The following SSX2IP variants were observed in gnomAD, a reference collection of about 807,000 sequenced individuals.
SSX2IP encodes the protein afadin- and alpha-actinin-binding protein.
SSX2IP carries 55 observed loss-of-function variants against 84.9 expected under a neutral mutation model. The ratio of observed to expected loss-of-function variants is 0.65; its 90% confidence interval spans 0.52 to 0.81. The LOEUF is 0.81. Ranked by LOEUF, SSX2IP falls within the 30% of genes least tolerant of loss-of-function variation. The pLI is 0.00. For synonymous variants in SSX2IP, 239 were observed against 234.7 expected (o/e 1.02, Z -0.17); for missense variants, 664 against 705.2 (o/e 0.94, Z 0.66).
Position 84,662,248 on chromosome 1 carries a change from AAAG to A in SSX2IP, c.874_876del (p.Leu292del). 6.2e-7 allele frequency: 1 copy of A among 1,608,012 alleles called. No homozygotes were observed. Among genetic ancestry groups the A allele is most frequent in the Non-Finnish European group, 8.5e-7 (1 of 1,177,992 alleles). ...TCTCTAGGTTTCTTCTTTTGGGGAG[AAAG>A]AAGAGAAATCATTTCCTTTTTCATT... On this transcript the variant is annotated inframe_deletion, in exon 8 of 14. Coordinates refer to ENST00000342203, the MANE Select transcript of SSX2IP (RefSeq NM_001166293.2).
In SSX2IP at chr1:84,670,727, AG is replaced by A; in HGVS notation, c.131del (p.Pro44LeufsTer30). On this transcript the variant is annotated frameshift_variant, in exon 3 of 14. Transcript: ENST00000342203. LOFTEE classifies it high-confidence loss of function. The part of the protein sequence containing the change: ...YSQQVLCSSI[P>X]LSKNVHSFFS... Reference sequence around the variant, plus strand: ...AAAAACTGTGCACATTTTTCGATAAAGGTATTGAAGAACATAGCACTTGCTG... The same window carrying A: ...AAAAACTGTGCACATTTTTCGATAAAGTATTGAAGAACATAGCACTTGCTG... The A allele has an allele frequency of 6.2e-7, 1 of 1,613,094 alleles. No individual in the cohort carries two copies. The highest frequency in any genetic ancestry group is 8.5e-7 in the Non-Finnish European group (1 of 1,179,248).
chr1:84,681,950 G>C (rs1354405564), intron 1 of SSX2IP, among the ~76,000 whole-genome samples: 1 of 152,194 alleles, frequency 6.6e-6, no homozygotes, highest in Non-Finnish European at 1.5e-5. Context: ...CCTGGCAAAA[G>C]TGGACTCTCC....
rs539933272 is a variant in SSX2IP, at chr1:84,658,367, T to C, written c.1029A>G (p.Arg343=). ...TVREQLTNSI[R]KQWRILKSHV... is the part of the protein sequence containing the mutation. ...GACTTTTCAAAATTCTCCACTGTTT[T>C]CTGATGCTGTTTGTAAGCTGCTCTC... The change falls in exon 9 of 14, where the codon AGA becomes AGG. Residue 343 remains arginine (R), a synonymous_variant. Transcript: ENST00000342203. 6.2e-7 allele frequency: 1 copy of C among 1,614,062 alleles called. No individual in the cohort carries two copies. Among genetic ancestry groups the C allele is most frequent in the Non-Finnish European group, 8.5e-7 (1 of 1,180,034 alleles).
At chr1:84,658,734 C>T (rs923832223) in intron 8 of SSX2IP, among the ~76,000 whole-genome samples, 10 of 152,216 alleles carry the variant, frequency 6.6e-5, no homozygotes, top group African/African-American at 2.2e-4. Context: ...ATATCACTAC[C>T]TGTCTAATGT....
chr1:84,681,544 A>AG (rs1655079824), intron 1 of SSX2IP, among the ~76,000 whole-genome samples: 1 of 152,216 alleles, frequency 6.6e-6, no homozygotes, highest in African/African-American at 2.4e-5. Flanking sequence ...GGGTACAGGG[A>AG]GGGGTAGAAG....
In SSX2IP at chr1:84,647,517, T is replaced by C; in HGVS notation, c.1761A>G (p.Ser587=). ...AGCAACCTTCCTGTGATCCAGGTCT[T>C]GATGCCACACTCCATTTTTGATTTG... ...ECTNQKWSVA[S]RPGSQEGCYS... The change falls in exon 14 of 14, where the codon TCA becomes TCG. Residue 587 remains serine (S), a synonymous_variant. Transcript: ENST00000342203. The C allele has an allele frequency of 6.2e-7, 1 of 1,613,504 alleles. No individual in the cohort carries two copies. Among genetic ancestry groups the C allele is most frequent in the Non-Finnish European group, 8.5e-7 (1 of 1,179,592 alleles).
chr1:84,648,240 A>G (rs1649727726), intron 13 of SSX2IP, among the ~76,000 whole-genome samples: 5 of 152,270 alleles, frequency 3.3e-5, no homozygotes, highest in African/African-American at 1.2e-4. Flanking sequence ...AATGTGAAGA[A>G]CCAAGTCAGG....
intron 1 of SSX2IP, among the ~76,000 whole-genome samples, chr1:84,675,344 G>C (rs1360400617): frequency 6.6e-6 from 1 of 152,162 alleles, no homozygotes; most frequent in Non-Finnish European, 1.5e-5. Context: ...TCATGTTTTA[G>C]TTCAAGTAAT....
chr1:84,688,796 A>T (rs1307563901), intron 1 of SSX2IP, among the ~76,000 whole-genome samples: 3 of 152,212 alleles, frequency 2.0e-5, no homozygotes, highest in Non-Finnish European at 4.4e-5. Context: ...AAGTCTTCAC[A>T]GTTATCTTCA....
intron 11 of SSX2IP, among the ~76,000 whole-genome samples, chr1:84,654,092 G>T (rs751293073): frequency 2.0e-5 from 3 of 152,036 alleles, no homozygotes; most frequent in Non-Finnish European, 4.4e-5. Context: ...TATATATTCA[G>T]AAGGCCAAAT....
At chr1:84,684,699 G>GT (rs1655548491) in intron 1 of SSX2IP, among the ~76,000 whole-genome samples, 2 of 152,050 alleles carry the variant, frequency 1.3e-5, no homozygotes, top group African/African-American at 4.8e-5. Context: ...TAGCACAAGA[G>GT]TATCACCCTG....
Position 84,647,148 on chromosome 1 carries a change from A to C in SSX2IP, c.*285T>G, listed in dbSNP as rs1225612997. 1 of 237,542 alleles carries C rather than the reference A, an allele frequency of 4.2e-6. No individual in the cohort carries two copies. Among genetic ancestry groups the C allele is most frequent in the Non-Finnish European group, 8.0e-6 (1 of 124,646 alleles). 14.7% of individuals were successfully genotyped at this position (237,542 alleles called of 1,614,324 possible). ...CCTAAAAGTGCTATTTTTAATACCT[A>C]TAAGAGGAAACTCAGTCTAGTGCTT... On this transcript the variant is annotated 3_prime_UTR_variant, in exon 14 of 14. Coordinates refer to ENST00000342203, the MANE Select transcript of SSX2IP (RefSeq NM_001166293.2).
In SSX2IP at chr1:84,645,562, A is replaced by G. The variant is rs550881362; in HGVS notation, c.*1871T>C. ...GTCATGAAATATAATATTTGCTAAA[A>G]TAAGAGATTTACTTTAAAAATTAGA... On this transcript the variant is annotated 3_prime_UTR_variant, in exon 14 of 14. Coordinates refer to ENST00000342203, the MANE Select transcript of SSX2IP (RefSeq NM_001166293.2). The G allele has an allele frequency of 1.4e-4, 21 of 152,354 alleles. No individual in the cohort carries two copies. The South Asian group carries it at 3.3e-3, about 24-fold the overall frequency. 9.4% of individuals were successfully genotyped at this position (152,354 alleles called of 1,614,324 possible). A position where few individuals can be genotyped will look rare whatever the true frequency, so the allele number is the denominator to read the frequency against.
chr1:84,681,952 GGA>G (rs1655138427), intron 1 of SSX2IP, among the ~76,000 whole-genome samples: 1 of 152,140 alleles, frequency 6.6e-6, no homozygotes, highest in Non-Finnish European at 1.5e-5. Context: ...TGGCAAAAGT[GGA>G]CTCTCCCCCT....
intron 3 of SSX2IP, chr1:84,670,183 A>T (rs1653357706): frequency 5.0e-6 from 1 of 200,554 alleles, no homozygotes; most frequent in Admixed American, 5.8e-5. Flanking sequence ...CAAAAATTAA[A>T]AATAAATGTG....
intron 8 of SSX2IP, 35 bp from the exon 9 acceptor site, chr1:84,658,503 T>C (rs372427143): frequency 1.1e-5 from 17 of 1,589,570 alleles, no homozygotes; most frequent in Non-Finnish European, 1.5e-5. Flanking sequence ...GAAAGGCTAG[T>C]ACCTTACAAT....
rs200500645 is a variant in SSX2IP, at chr1:84,666,201, A to G, written c.458T>C (p.Ile153Thr). The G allele has an allele frequency of 5.6e-6, 9 of 1,612,566 alleles. No homozygotes were observed. The highest frequency in any genetic ancestry group is 1.7e-5 in the Admixed American group (1 of 59,806). The change falls in exon 5 of 14, where the codon ATT (isoleucine) becomes ACT (threonine). Residue 153 changes from isoleucine (I) to threonine (T), a missense_variant. Ile to Thr is a moderately conservative substitution (Grantham distance 89). Transcript: ENST00000342203. ...EQLETSRREM[I>T]GLQERDRQLQ... ...CTGTCTGTCTCTTTCCTGAAGCCCA[A>G]TCATTTCCCTCCTGGAGGTTTCCAG... is the stretch of plus-strand genomic sequence containing the variant.
At position 84,644,839 on chromosome 1, in the gene SSX2IP, G is replaced by A. The variant is rs1490673523; in HGVS notation, c.*2594C>T. 4 of 152,232 alleles carry A rather than the reference G, an allele frequency of 2.6e-5. No individual in the cohort carries two copies. Among genetic ancestry groups the A allele is most frequent in the Admixed American group, 6.5e-5 (1 of 15,280 alleles). The allele number at this position is 152,232 out of a possible 1,614,324, so 9.4% of individuals were successfully genotyped here. ...AATAACAGTATTTCAATTATGCCAT[G>A]TAAGTAAACAATTTGCTGTGAACTG... On this transcript the variant is annotated 3_prime_UTR_variant, in exon 14 of 14. Transcript: ENST00000342203.
At chr1:84,657,087 C>G (rs1370477974) in intron 9 of SSX2IP, among the ~76,000 whole-genome samples, 11 of 152,068 alleles carry the variant, frequency 7.2e-5, no homozygotes, top group Non-Finnish European at 8.8e-5. Flanking sequence ...CACAATGGCA[C>G]TGAGTTCATA....
Sources: allele counts gnomAD v4.1 joint callset (sites outside exome capture counted in the v4.1 genomes callset), GRCh38; gene constraint gnomAD v4.1.1; transcripts MANE v1.5; gene names NCBI Gene and HGNC (gene_info 2026-07-23, HGNC 2026-07-21).